NTRK2: variants seen among roughly 807,000 people sequenced by gnomAD.
NTRK2 encodes neurotrophic receptor tyrosine kinase 2.
In NTRK2, 13 loss-of-function variants were observed where a neutral mutation model predicts 94.5. The observed-to-expected ratio is 0.14, with a 90% confidence interval of 0.09 to 0.22. The LOEUF is 0.22. Ranked by LOEUF, NTRK2 falls within the 10% of genes least tolerant of loss-of-function variation. NTRK2 has a pLI of 1.00. For missense variants in NTRK2, 639 were observed against 1,071.2 expected (o/e 0.60, Z 5.63); for synonymous variants, 372 against 407.4 (o/e 0.91, Z 1.05).
intron 11 of NTRK2, among the ~76,000 whole-genome samples, chr9:84,747,473 GTTTTT>G (rs766939495): frequency 1.6e-5 from 2 of 122,358 alleles, no homozygotes; most frequent in African/African-American, 3.2e-5. Flanking sequence ...AGTTTTCTGG[GTTTTT>G]TTTTTTTTTT....
intron 9 of NTRK2, among the ~76,000 whole-genome samples, chr9:84,735,494 T>G (rs938115446): frequency 6.6e-6 from 1 of 152,192 alleles, no homozygotes; most frequent in South Asian, 2.1e-4. Flanking sequence ...TGGTCAGGCA[T>G]CCATCAAGAT....
rs2059629188 is a variant in NTRK2 at position 84,685,135 on chromosome 9, T to C, written c.212+14175T>C. The stretch of plus-strand genomic sequence containing the variant: ...TTTGTCTATCTAAATTTTAAAAATA[T>C]ATGGAATGATGTAACAATTGTTTTA... On this transcript the variant is annotated intron_variant, in intron 2 of 18. Transcript: ENST00000277120. 1.3e-5 allele frequency among the ~76,000 whole-genome samples: 2 copies of C among 152,094 alleles called. 1 individual carries two copies. Among genetic ancestry groups the C allele is most frequent in the South Asian group, 4.1e-4 (2 of 4,836 alleles).
chr9:84,877,889 CTG>C, intron 14 of NTRK2: 1 of 1,025,178 alleles, frequency 9.8e-7, no homozygotes, highest in Non-Finnish European at 1.2e-6. Context: ...AAAGACAAGA[CTG>C]TCATATATGT....
At chr9:84,858,702 C>A (rs1164994338) in intron 12 of NTRK2, among the ~76,000 whole-genome samples, 1 of 151,620 alleles carries the variant, frequency 6.6e-6, no homozygotes, top group Non-Finnish European at 1.5e-5. Context: ...TCTCAAGTGC[C>A]GCTTTGCAGC....
chr9:84,853,616 A>C (rs1300815240), intron 12 of NTRK2, among the ~76,000 whole-genome samples: 1 of 152,162 alleles, frequency 6.6e-6, no homozygotes, highest in East Asian at 1.9e-4. Flanking sequence ...CATCCATTCC[A>C]CAAGTGTTTA....
chr9:84,748,084 T>C (rs559921823), intron 11 of NTRK2, among the ~76,000 whole-genome samples: 12 of 152,338 alleles, frequency 7.9e-5, no homozygotes, highest in Non-Finnish European at 1.5e-4. Context: ...CAGCATTTTG[T>C]TGGATTTGCA....
At chr9:84,832,131 T>G (rs767326206) in intron 12 of NTRK2, among the ~76,000 whole-genome samples, 42 of 152,214 alleles carry the variant, frequency 2.8e-4, no homozygotes, top group Non-Finnish European at 5.1e-4. Context: ...TCTTGTATTC[T>G]CTTGTTACCC....
At chr9:84,727,014 G>A (rs1482732328) in intron 8 of NTRK2, among the ~76,000 whole-genome samples, 1 of 152,068 alleles carries the variant, frequency 6.6e-6, no homozygotes, top group Non-Finnish European at 1.5e-5. Flanking sequence ...TTGGCATCTA[G>A]GATCCTAGCA....
intron 5 of NTRK2, among the ~76,000 whole-genome samples, chr9:84,708,236 C>A (rs2061228006): frequency 6.6e-6 from 1 of 152,124 alleles, no homozygotes; most frequent in Admixed American, 6.5e-5. Flanking sequence ...CGGCTGTATG[C>A]TTTATATCTC....
chr9:84,869,280 C>G (rs545915859), intron 14 of NTRK2, among the ~76,000 whole-genome samples: 37 of 152,150 alleles, frequency 2.4e-4, no homozygotes, highest in Non-Finnish European at 5.0e-4. Flanking sequence ...TGGCCTCTAC[C>G]CAAATGGCCA....
At chr9:84,782,521 A>G (rs1365900265) in intron 12 of NTRK2, among the ~76,000 whole-genome samples, 1 of 152,170 alleles carries the variant, frequency 6.6e-6, no homozygotes, top group Non-Finnish European at 1.5e-5. Flanking sequence ...CAATTTTCCC[A>G]CTTGGATGGA....
chr9:85,017,080 T>C (rs1242742462), intron 17 of NTRK2, among the ~76,000 whole-genome samples: 2 of 152,224 alleles, frequency 1.3e-5, no homozygotes, highest in African/African-American at 4.8e-5. Flanking sequence ...CCAAAAAAAG[T>C]GGGTGCTGCT....
Position 84,702,337 on chromosome 9 carries a change from T to C in NTRK2, c.288-11T>C. The C allele has an allele frequency of 1.2e-6, 2 of 1,614,080 alleles. No individual in the cohort carries two copies. Among genetic ancestry groups the C allele is most frequent in the Non-Finnish European group, 1.7e-6 (2 of 1,179,894 alleles). ...TCGTTCTAATGTGCATGAAATTATG[T>C]GTTTTCACAGGACAATTGTGGATTC... On this transcript the variant is annotated splice_polypyrimidine_tract_variant and intron_variant, in intron 3 of 18. Coordinates refer to ENST00000277120, the MANE Select transcript of NTRK2 (RefSeq NM_006180.6).
At chr9:84,837,594 T>C (rs558968051) in intron 12 of NTRK2, among the ~76,000 whole-genome samples, 7 of 152,322 alleles carry the variant, frequency 4.6e-5, no homozygotes, top group South Asian at 4.1e-4. Context: ...TTTTGTCTGA[T>C]TGAATAGAGA....
At chr9:84,832,629 C>T (rs532322293) in intron 12 of NTRK2, among the ~76,000 whole-genome samples, 1 of 152,318 alleles carries the variant, frequency 6.6e-6, no homozygotes, top group East Asian at 1.9e-4. Context: ...GCATTAATGT[C>T]TATGGCTCCA....
intron 2 of NTRK2, among the ~76,000 whole-genome samples, chr9:84,693,848 A>T (rs1294883579): frequency 1.3e-5 from 2 of 152,130 alleles, no homozygotes; most frequent in African/African-American, 4.8e-5. Context: ...TTTTCCAGGC[A>T]CTCAAATTTG....
chr9:84,886,387 T>A (rs1299297230), intron 14 of NTRK2, among the ~76,000 whole-genome samples: 1 of 152,226 alleles, frequency 6.6e-6, no homozygotes, highest in African/African-American at 2.4e-5. Context: ...CTCGCCTCCT[T>A]AATGCCCAAC....
chr9:84,977,869 C>G (rs1362663124), intron 17 of NTRK2, among the ~76,000 whole-genome samples: 4 of 152,200 alleles, frequency 2.6e-5, no homozygotes, highest in Non-Finnish European at 2.9e-5. Context: ...TGCAAAATCT[C>G]AAACTTTTGC....
In NTRK2 at chr9:84,723,721, G is replaced by A. The variant is rs180867616; in HGVS notation, c.720+12G>A. The A allele has an allele frequency of 6.2e-7, 1 of 1,614,066 alleles. No homozygotes were observed. The highest frequency in any genetic ancestry group is 2.2e-5 in the East Asian group (1 of 44,870). The stretch of plus-strand genomic sequence containing the variant: ...TTTCCAAACATATGGTAAGGCTTGT[G>A]TTTGGCTGTGTCTTAATAGAGAGAC... On this transcript the variant is annotated intron_variant, in intron 7 of 18. Transcript: ENST00000277120.
Sources: gnomAD v4.1 joint callset for allele counts (sites outside exome capture counted in the v4.1 genomes callset) on GRCh38, gnomAD v4.1.1 for gene constraint, MANE v1.5 for transcripts, NCBI Gene and HGNC (gene_info 2026-07-23, HGNC 2026-07-21) for gene names.